Variants in RASL12 observed in about 807,000 individuals in gnomAD.
RASL12 encodes ras-like protein family member 12.
Under a neutral mutation model 22.9 loss-of-function variants are expected in RASL12, and 16 were observed. That is an observed-to-expected ratio of 0.70 (90% confidence interval 0.47 to 1.06). The LOEUF (loss-of-function observed/expected upper bound fraction) is 1.06, where lower values mean the gene tolerates loss of function less well. Among genes scored for constraint, RASL12 ranks in the 50% least tolerant of loss-of-function variants. The pLI is 0.00. For missense variants in RASL12, 306 were observed against 353.1 expected, an observed-to-expected ratio of 0.87 and a Z score of 1.07; for synonymous variants, 159 against 152.2, an observed-to-expected ratio of 1.04 and a Z score of -0.33.
At position 65,073,867 on chromosome 15, in the gene RASL12, G is replaced by C. The variant is rs190459655; in HGVS notation, c.70+2662C>G. Among the ~76,000 whole-genome samples, 302 of 152,310 alleles carry C rather than the reference G, an allele frequency of 2.0e-3. 2 individuals carry two copies. The highest frequency in any genetic ancestry group is 3.4e-3 in the Middle Eastern group (1 of 294). ...CTTAGTATAAAGTGCTTACAACAGT[G>C]CCTGACACATAATGCAATTAAAGTG... On this transcript the variant is annotated intron_variant, in intron 1 of 4. Coordinates refer to the RASL12 transcript ENST00000434605.
At chr15:65,048,987 G>A (rs185656240), downstream of RASL12, among the ~76,000 whole-genome samples, 36 of 144,604 alleles carry the variant, frequency 2.5e-4, 1 homozygote, top group Middle Eastern at 3.8e-3. Context: ...TCCAGCCTGG[G>A]CGACAGAGTG....
chr15:65,051,897 C>G (rs2086658347), downstream of RASL12, among the ~76,000 whole-genome samples: 1 of 152,200 alleles, frequency 6.6e-6, no homozygotes, highest in Non-Finnish European at 1.5e-5. Flanking sequence ...CTCACCCTAT[C>G]AGCACACATG....
chr15:65,062,829 T>C (rs2086827224), intron 2 of RASL12, among the ~76,000 whole-genome samples: 1 of 152,228 alleles, frequency 6.6e-6, no homozygotes, highest in Admixed American at 6.5e-5. Flanking sequence ...CTGCTGCTGC[T>C]GGAACCAACA....
At position 65,055,125 on chromosome 15, in the gene RASL12, A is replaced by T. The variant is rs773062973; in HGVS notation, c.575T>A (p.Leu192Gln). 20 of 1,610,486 alleles carry T rather than the reference A, an allele frequency of 1.2e-5. No individual in the cohort carries two copies. Among genetic ancestry groups the T allele is most frequent in the Non-Finnish European group, 1.6e-5 (19 of 1,178,684 alleles). Residue 192 changes from leucine to glutamine, a missense_variant, in exon 5 of 5, where the codon CTG becomes CAG. Leu to Gln is a moderately radical substitution (Grantham distance 113). Transcript: ENST00000220062. Reference sequence around the variant, plus strand: ...CTCGGAGATGAAGAGGGGCCGGGTCAGGGGGCTCTTCTCCAGCTCCCGCCG... The same window carrying T: ...CTCGGAGATGAAGAGGGGCCGGGTCTGGGGGCTCTTCTCCAGCTCCCGCCG... The part of the protein sequence containing the change: ...EARRELEKSP[L>Q]TRPLFISEER...
At chr15:65,062,730 G>A (rs944732599) in intron 2 of RASL12, among the ~76,000 whole-genome samples, 1 of 152,212 alleles carries the variant, frequency 6.6e-6, no homozygotes, top group African/African-American at 2.4e-5. Context: ...GAAGGGCTTA[G>A]AGAGTTGTTT....
At chr15:65,056,493 C>T (rs1221768555) in intron 4 of RASL12, among the ~76,000 whole-genome samples, 1 of 152,158 alleles carries the variant, frequency 6.6e-6, no homozygotes, top group Non-Finnish European at 1.5e-5. Flanking sequence ...AGAACACTTG[C>T]TATTATTTGC....
At chr15:65,053,063 T>A (rs777264075), downstream of RASL12, 5 of 1,613,962 alleles carry the variant, frequency 3.1e-6, no homozygotes, top group Non-Finnish European at 4.2e-6. Flanking sequence ...AAGAGAAACT[T>A]TGCTCTCAGA....
downstream of RASL12, chr15:65,052,961 C>G: frequency 6.4e-7 from 1 of 1,564,566 alleles, no homozygotes; most frequent in Admixed American, 1.7e-5. Context: ...TCCCTGTCCC[C>G]CCAGAAAAGA....
At chr15:65,056,234 A>T (rs916971017) in intron 4 of RASL12, among the ~76,000 whole-genome samples, 1 of 152,152 alleles carries the variant, frequency 6.6e-6, no homozygotes, top group Non-Finnish European at 1.5e-5. Context: ...TGGCACAGCC[A>T]CTAGATGAGA....
chr15:65,051,626 G>C (rs753954787), downstream of RASL12: 12 of 1,610,272 alleles, frequency 7.5e-6, no homozygotes, highest in Non-Finnish European at 1.0e-5. Context: ...GGTCCTGGGG[G>C]GATGGGGTGG....
chr15:65,052,960 C>T (rs377515714), downstream of RASL12: 41 of 1,543,278 alleles, frequency 2.7e-5, no homozygotes, highest in Non-Finnish European at 3.4e-5. Flanking sequence ...TTCCCTGTCC[C>T]CCCAGAAAAG....
intron 2 of RASL12, among the ~76,000 whole-genome samples, chr15:65,059,795 C>T (rs942702234): frequency 1.2e-4 from 19 of 152,212 alleles, no homozygotes; most frequent in Non-Finnish European, 2.6e-4. Context: ...CAGGCTTTCC[C>T]ACTCTCTTCC....
chr15:65,048,447 T>A (rs1378507661), downstream of RASL12, among the ~76,000 whole-genome samples: 1 of 152,212 alleles, frequency 6.6e-6, no homozygotes, highest in Non-Finnish European at 1.5e-5. Context: ...ATCTAGCTGT[T>A]TTTGAATGCC....
intron 4 of RASL12, 137 bp downstream of exon 4, chr15:65,058,290 A>T: frequency 4.4e-6 from 3 of 678,384 alleles, no homozygotes; most frequent in Non-Finnish European, 6.5e-6. Flanking sequence ...ACACACACAA[A>T]CAAACATATA....
downstream of RASL12, chr15:65,049,970 A>C (rs1268262308): frequency 6.5e-7 from 1 of 1,526,908 alleles, no homozygotes; most frequent in South Asian, 1.2e-5. Flanking sequence ...AAGGGGTCTA[A>C]GGACCTCGTT....
rs1440045452 is a variant in RASL12, at chr15:65,053,896, T to G, written c.*1003A>C. 2.0e-6 allele frequency: 2 copies of G among 985,724 alleles called. No individual in the cohort carries two copies. Among genetic ancestry groups the G allele is most frequent in the African/African-American group, 3.5e-5 (2 of 57,238 alleles). 61.1% of individuals were successfully genotyped at this position (985,724 alleles called of 1,614,324 possible). On this transcript the variant is annotated 3_prime_UTR_variant, in exon 5 of 5. Transcript: ENST00000220062. ...GCTGCGGTGACACCACCAAATAACA[T>G]AAGCAAAATTTTGCTTTATTAACCC...
rs1008305522 is a variant in RASL12 at position 65,054,006 on chromosome 15, G to A, written c.*893C>T. On this transcript the variant is annotated 3_prime_UTR_variant, in exon 5 of 5. Transcript: ENST00000220062. ...GGTCCTGCCAAACCAGATGACAAACGGGTATACTGTGTTTCTACCTGCAGG... is the reference window on the plus strand; with the variant it reads ...GGTCCTGCCAAACCAGATGACAAACAGGTATACTGTGTTTCTACCTGCAGG... 14 of 985,746 alleles carry A rather than the reference G, an allele frequency of 1.4e-5. No homozygotes were observed. In the African/African-American group the frequency reaches 2.1e-4, roughly 15 times the overall value. 61.1% of individuals were successfully genotyped at this position (985,746 alleles called of 1,614,324 possible). A position where few individuals can be genotyped will look rare whatever the true frequency, so the allele number is the denominator to read the frequency against.
At chr15:65,064,100 T>C (rs747830133) in intron 2 of RASL12, among the ~76,000 whole-genome samples, 4 of 152,240 alleles carry the variant, frequency 2.6e-5, no homozygotes, top group Non-Finnish European at 5.9e-5. Flanking sequence ...ATGTTATACA[T>C]GTGAGCTTTA....
upstream of RASL12, among the ~76,000 whole-genome samples, chr15:65,070,452 C>T (rs2086923808): frequency 6.6e-6 from 1 of 152,200 alleles, no homozygotes; most frequent in Non-Finnish European, 1.5e-5. Context: ...AGTTTGTACA[C>T]TTCAGATCAA....
Sources: allele counts gnomAD v4.1 joint callset (sites outside exome capture counted in the v4.1 genomes callset), GRCh38; gene constraint gnomAD v4.1.1; transcripts MANE v1.5; gene names NCBI Gene and HGNC (gene_info 2026-07-23, HGNC 2026-07-21).